KDM4C: variants seen among roughly 807,000 people sequenced by gnomAD.
KDM4C encodes lysine-specific demethylase 4C.
A neutral mutation model predicts 129.3 loss-of-function variants in KDM4C; 81 were observed. The ratio of observed to expected loss-of-function variants is 0.63; its 90% CI spans 0.52 to 0.75. The LOEUF (loss-of-function observed/expected upper bound fraction) is 0.75, where lower values mean the gene tolerates loss of function less well. KDM4C is among the 30% of genes least tolerant of loss of function. The pLI is 0.00. For synonymous variants in KDM4C, 573 were observed against 456.1 expected (o/e 1.26, Z -3.26); for missense variants, 1,457 against 1,304.0 (o/e 1.12, Z -1.81).
At chr9:7,142,300 T>G (rs769065205) in intron 19 of KDM4C, among the ~76,000 whole-genome samples, 3 of 152,208 alleles carry the variant, frequency 2.0e-5, no homozygotes, top group Non-Finnish European at 4.4e-5. Flanking sequence ...TTTTAAAATT[T>G]TCATAGAGAT....
intron 12 of KDM4C, among the ~76,000 whole-genome samples, chr9:7,009,345 G>A (rs577351769): frequency 2.5e-4 from 38 of 152,212 alleles, no homozygotes; most frequent in Admixed American, 6.5e-4. Flanking sequence ...AAAAAGTGGC[G>A]TTCCATGAAA....
At chr9:7,016,513 G>A (rs1419070782) in intron 15 of KDM4C, among the ~76,000 whole-genome samples, 3 of 135,200 alleles carry the variant, frequency 2.2e-5, no homozygotes, top group Non-Finnish European at 3.0e-5. Context: ...TGCAACCTCC[G>A]CCTCCCAGGT....
chr9:7,034,397 T>C lies in KDM4C; in HGVS notation c.2260-12465T>C, dbSNP rs137961540. Among the ~76,000 whole-genome samples, 69 of 152,340 alleles carry C rather than the reference T, an allele frequency of 4.5e-4. 1 individual carries two copies. The highest frequency in any genetic ancestry group is 1.2e-3 in the Admixed American group (19 of 15,302). On this transcript the variant is annotated intron_variant, in intron 15 of 21. Transcript: ENST00000381309. ...TTCTCAGCCTCTAGTATCGTTTTAC[T>C]TTTTACTTCTATGGGATCAACTTGT...
intron 1 of KDM4C, among the ~76,000 whole-genome samples, chr9:6,760,473 T>G (rs1021370022): frequency 2.2e-5 from 3 of 133,730 alleles, no homozygotes; most frequent in Middle Eastern, 3.6e-3. Context: ...ATAATGTAAT[T>G]GCTAGGTTAA....
chr9:7,023,498 C>G (rs1825246665), intron 15 of KDM4C, among the ~76,000 whole-genome samples: 1 of 151,958 alleles, frequency 6.6e-6, no homozygotes, highest in African/African-American at 2.4e-5. Flanking sequence ...CCTTTTTCAT[C>G]TCTGATTTTA....
intron 8 of KDM4C, among the ~76,000 whole-genome samples, chr9:6,951,084 C>G (rs1828062290): frequency 6.6e-6 from 1 of 151,750 alleles, no homozygotes; most frequent in African/African-American, 2.4e-5. Flanking sequence ...TCATTGGGTA[C>G]ATAGTGATGT....
At chr9:6,804,809 A>G (rs188129263) in intron 2 of KDM4C, among the ~76,000 whole-genome samples, 1 of 152,102 alleles carries the variant, frequency 6.6e-6, no homozygotes, top group Admixed American at 6.6e-5. Context: ...TATTTTTCTC[A>G]TAATAATATA....
rs1193693911 is a variant in KDM4C, at chr9:7,063,477, A to G, written c.2424+14277A>G. Among the ~76,000 whole-genome samples the G allele has an allele frequency of 2.0e-5, 3 of 152,270 alleles. No homozygotes were observed. In the East Asian group the frequency reaches 5.8e-4, roughly 29 times the overall value. On this transcript the variant is annotated intron_variant, in intron 17 of 21. Transcript: ENST00000381309. ...AGGATCAGAGCAGATTAATGTTTTT[A>G]AGGAGGGAGCAGAATTCCTGGTGGT...
At chr9:6,946,773 T>C (rs1364718496) in intron 8 of KDM4C, among the ~76,000 whole-genome samples, 1 of 152,148 alleles carries the variant, frequency 6.6e-6, no homozygotes, top group Admixed American at 6.5e-5. Context: ...AATGCCATTT[T>C]ATGTTCAATC....
At chr9:6,787,116 G>A (rs1327478986) in intron 1 of KDM4C, among the ~76,000 whole-genome samples, 2 of 152,202 alleles carry the variant, frequency 1.3e-5, no homozygotes, top group East Asian at 1.9e-4. Context: ...AACTGGCAGA[G>A]TATATTTCCT....
chr9:7,016,652 C>CTGACCTCATTT (rs1228526995), intron 15 of KDM4C, among the ~76,000 whole-genome samples: 7 of 151,442 alleles, frequency 4.6e-5, no homozygotes, highest in African/African-American at 1.7e-4. Context: ...TCTTGAACTC[C>CTGACCTCATTT]TGACCTCATT....
intron 17 of KDM4C, among the ~76,000 whole-genome samples, chr9:7,097,564 C>G (rs535677322): frequency 1.3e-5 from 2 of 152,192 alleles, no homozygotes; most frequent in African/African-American, 4.8e-5. Context: ...CCGCAGGTAG[C>G]TGTCATGAAG....
At chr9:6,760,542 TTTTA>T (rs370646653) in intron 1 of KDM4C, among the ~76,000 whole-genome samples, 9,841 of 143,864 alleles carry the variant, frequency 0.068, 440 homozygotes, top group East Asian at 0.1. Context: ...TGATACTCTT[TTTTA>T]TTTATTTATT....
chr9:6,889,948 G>A (rs148551102), intron 7 of KDM4C, among the ~76,000 whole-genome samples: 174 of 152,290 alleles, frequency 1.1e-3, no homozygotes, highest in African/African-American at 4.0e-3. Context: ...ATCGCTGGAG[G>A]CATTGGGCTC....
At chr9:6,892,741 C>T (rs971010184) in intron 7 of KDM4C, among the ~76,000 whole-genome samples, 2 of 152,096 alleles carry the variant, frequency 1.3e-5, no homozygotes, top group Non-Finnish European at 2.9e-5. Context: ...TTATATGTAA[C>T]TCCAGTAATG....
chr9:6,807,797 G>T (rs1259604100), intron 3 of KDM4C, among the ~76,000 whole-genome samples: 1 of 148,308 alleles, frequency 6.7e-6, no homozygotes, highest in Non-Finnish European at 1.5e-5. Context: ...AGGTGGGGGG[G>T]GGGTCAGCCC....
intron 13 of KDM4C, among the ~76,000 whole-genome samples, chr9:7,012,391 TTCTA>T (rs1822876377): frequency 6.6e-6 from 1 of 152,210 alleles, no homozygotes; most frequent in Non-Finnish European, 1.5e-5. Flanking sequence ...CTTTCAACTT[TTCTA>T]TCTCTTTTAC....
rs1845363700 is a variant in KDM4C, at chr9:7,175,582, A to AT, written c.*858dup. Reference sequence around the variant, plus strand: ...CATAGTTTTGAACTAATGTAACATGATTTTTCTTTTTTAAAACAGCCTGAA... The same window carrying AT: ...CATAGTTTTGAACTAATGTAACATGATTTTTTCTTTTTTAAAACAGCCTGAA... On this transcript the variant is annotated 3_prime_UTR_variant, in exon 22 of 22. Coordinates refer to ENST00000381309, the MANE Select transcript of KDM4C (RefSeq NM_015061.6). 1 of 152,562 alleles carries AT rather than the reference A, an allele frequency of 6.6e-6. No individual in the cohort carries two copies. The highest frequency in any genetic ancestry group is 1.5e-5 in the Non-Finnish European group (1 of 68,036). The allele number at this position is 152,562 out of a possible 1,614,324, so 9.5% of individuals were successfully genotyped here.
At position 6,724,249 on chromosome 9, in the gene KDM4C, A is replaced by G. The variant is rs1324784218; in HGVS notation, c.49+3252A>G. Among the ~76,000 whole-genome samples, 8 of 152,332 alleles carry G rather than the reference A, an allele frequency of 5.3e-5. No homozygotes were observed. In the South Asian group the frequency reaches 1.7e-3, roughly 32 times the overall value. On this transcript the variant is annotated intron_variant, in intron 1 of 17. Transcript: ENST00000536108. ...CTGATTGGAGCCTGTGGCAATAGGC[A>G]GTAAGTGCCATTTAGGGTTTTGGGC...
Sources: gnomAD v4.1 joint callset for allele counts (sites outside exome capture counted in the v4.1 genomes callset) on GRCh38, gnomAD v4.1.1 for gene constraint, MANE v1.5 for transcripts, NCBI Gene and HGNC (gene_info 2026-07-23, HGNC 2026-07-21) for gene names.